SYT14: variants seen among roughly 807,000 people sequenced by gnomAD.
SYT14 encodes synaptotagmin 14.
In SYT14, 32 loss-of-function variants were observed where a neutral mutation model predicts 74.2. The observed-to-expected ratio is 0.43, with a 90% CI of 0.33 to 0.58. The LOEUF is 0.58. SYT14 is among the 20% of genes least tolerant of loss of function. The pLI, the probability that SYT14 is intolerant of heterozygous loss-of-function variation, is 0.05. For synonymous variants in SYT14, 298 were observed against 337.7 expected (o/e 0.88, Z 1.29); for missense variants, 791 against 981.8 (o/e 0.81, Z 2.60).
At chr1:210,162,201 A>G in exon 10 of SYT14, 1 of 432,040 alleles carries the variant, frequency 2.3e-6, no homozygotes, top group South Asian at 1.6e-5. Flanking sequence ...TATGAAATTA[A>G]CAGATAAAGT....
chr1:210,059,451 T>TATAGAG (rs377050610), intron 5 of SYT14, among the ~76,000 whole-genome samples: 730 of 69,846 alleles, frequency 0.01, 9 homozygotes, highest in African/African-American at 0.012. Context: ...TATATATATA[T>TATAGAG]AGAGAGAGAG....
intron 6 of SYT14, among the ~76,000 whole-genome samples, chr1:210,097,960 T>A (rs901240183): frequency 5.3e-5 from 8 of 152,110 alleles, no homozygotes; most frequent in African/African-American, 1.7e-4. Flanking sequence ...GAGGGTTCCT[T>A]GAGCCCAAGA....
chr1:210,032,515 A>T (rs892261076), intron 5 of SYT14, among the ~76,000 whole-genome samples: 12 of 151,988 alleles, frequency 7.9e-5, no homozygotes, highest in Non-Finnish European at 1.6e-4. Flanking sequence ...AATGGAAGTA[A>T]AAAGGGGGAG....
At chr1:210,152,993 A>G (rs1276141670) in intron 7 of SYT14, among the ~76,000 whole-genome samples, 5 of 152,160 alleles carry the variant, frequency 3.3e-5, no homozygotes, top group African/African-American at 7.2e-5. Flanking sequence ...TCATTGCTGT[A>G]TAGTATGCCA....
At chr1:209,986,224 A>G (rs1442639421) in intron 2 of SYT14, among the ~76,000 whole-genome samples, 7 of 152,064 alleles carry the variant, frequency 4.6e-5, no homozygotes, top group Non-Finnish European at 8.8e-5. Flanking sequence ...GTAAGTTCCT[A>G]TGTTAGTAAT....
At chr1:210,086,889 T>G (rs1410695669) in intron 5 of SYT14, among the ~76,000 whole-genome samples, 2 of 152,168 alleles carry the variant, frequency 1.3e-5, no homozygotes, top group African/African-American at 4.8e-5. Context: ...TATTTGTAAC[T>G]CCCTTTTCCA....
At chr1:210,089,058 T>C (rs1329916269) in intron 5 of SYT14, among the ~76,000 whole-genome samples, 1 of 152,094 alleles carries the variant, frequency 6.6e-6, no homozygotes, top group African/African-American at 2.4e-5. Context: ...TGCCCCAGCA[T>C]GTGATGTTCC....
rs35974726 is a variant in SYT14 at position 210,169,221 on chromosome 1, G to GTTTTTTTTT, written c.*8201_*8209dup. The stretch of plus-strand genomic sequence containing the variant: ...CTTTTTTGGTTTTTATGTTTTTGGT[G>GTTTTTTTTT]TTTTTTTTTTTTTTTTTTTTTTTTT... On this transcript the variant is annotated 3_prime_UTR_variant, in exon 10 of 10. Coordinates refer to ENST00000637265, the Ensembl canonical transcript of SYT14. 45 of 50,234 alleles carry GTTTTTTTTT rather than the reference G, an allele frequency of 9.0e-4. 2 individuals carry two copies. The highest frequency in any genetic ancestry group is 1.8e-3 in the African/African-American group (23 of 12,852). The allele number at this position is 50,234 out of a possible 1,614,324, so 3.1% of individuals were successfully genotyped here. A position where few individuals can be genotyped will look rare whatever the true frequency, so the allele number is the denominator to read the frequency against.
At chr1:210,162,750 ACCGTGAACTT>A (rs1291015028) in exon 10 of SYT14, 1 of 447,818 alleles carries the variant, frequency 2.2e-6, no homozygotes, top group Non-Finnish European at 4.4e-6. Flanking sequence ...ACCCAAAAAG[ACCGTGAACTT>A]CTGTATTTTT....
chr1:210,070,812 CATGGG>C (rs1302131120), intron 5 of SYT14, among the ~76,000 whole-genome samples: 1 of 151,782 alleles, frequency 6.6e-6, no homozygotes, highest in Admixed American at 6.6e-5. Flanking sequence ...CTTAACAGAA[CATGGG>C]ATTGTCTCCA....
At chr1:209,942,360 A>ACCCCCCCCC (rs34726566) in intron 1 of SYT14, among the ~76,000 whole-genome samples, 1 of 74,596 alleles carries the variant, frequency 1.3e-5, no homozygotes, top group African/African-American at 9.5e-5. Flanking sequence ...ATGCAAATTT[A>ACCCCCCCCC]CCCCCCCCCC....
chr1:210,007,127 A>G (rs145265679), intron 2 of SYT14, among the ~76,000 whole-genome samples: 7 of 151,974 alleles, frequency 4.6e-5, no homozygotes, highest in African/African-American at 1.7e-4. Flanking sequence ...AATTTTAAAA[A>G]ATTGGTATTT....
At chr1:209,945,008 C>T (rs1210802770) in intron 1 of SYT14, among the ~76,000 whole-genome samples, 1 of 152,070 alleles carries the variant, frequency 6.6e-6, no homozygotes, top group Non-Finnish European at 1.5e-5. Context: ...TTTTCTCAAT[C>T]ATGAATAGCA....
At chr1:210,059,441 T>TAGAG (rs1175419124) in intron 5 of SYT14, among the ~76,000 whole-genome samples, 90 of 93,066 alleles carry the variant, frequency 9.7e-4, no homozygotes, top group East Asian at 3.6e-3. Context: ...TATATATATA[T>TAGAG]ATATATATAT....
Position 210,021,199 on chromosome 1 carries a change from C to G in SYT14, c.1257C>G (p.Tyr419Ter). The G allele has an allele frequency of 6.2e-7, 1 of 1,614,004 alleles. No individual in the cohort carries two copies. Residue 419 changes from tyrosine (Y) to a stop codon, truncating the protein, a stop_gained, in exon 5 of 10, where the codon TAC (tyrosine) becomes TAG (stop). Transcript: ENST00000637265. LOFTEE classifies it high-confidence loss of function. ...ATGCTTGGGAAACAAGGCAGAAATACAGTCCTCTATCGGCAGAGTATGATG... is the reference window on the plus strand; with the variant it reads ...ATGCTTGGGAAACAAGGCAGAAATAGAGTCCTCTATCGGCAGAGTATGATG...
intron 5 of SYT14, among the ~76,000 whole-genome samples, chr1:210,048,126 G>C (rs1265356711): frequency 3.3e-5 from 5 of 152,074 alleles, no homozygotes; most frequent in African/African-American, 4.8e-5. Flanking sequence ...GATGATTCTT[G>C]ACTAAATCAA....
At chr1:210,047,757 C>T (rs1487505099) in intron 5 of SYT14, among the ~76,000 whole-genome samples, 1 of 152,160 alleles carries the variant, frequency 6.6e-6, no homozygotes, top group African/African-American at 2.4e-5. Flanking sequence ...CCTGAGACTA[C>T]TACAGATGTT....
At position 210,090,620 on chromosome 1, in the gene SYT14, G is replaced by A. The variant is rs941679240; in HGVS notation, c.1313-3702G>A. Among the ~76,000 whole-genome samples, 10 of 152,086 alleles carry A rather than the reference G, an allele frequency of 6.6e-5. No homozygotes were observed. The South Asian group carries it at 1.5e-3, about 22-fold the overall frequency. ...TAGATATATCATTTATATAAAAATCGGGGTATGAAATTAGGTAATAAAGCA... is the reference window on the plus strand; with the variant it reads ...TAGATATATCATTTATATAAAAATCAGGGTATGAAATTAGGTAATAAAGCA... On this transcript the variant is annotated intron_variant, in intron 5 of 9. Coordinates refer to ENST00000637265, the Ensembl canonical transcript of SYT14.
chr1:209,957,094 A>G (rs2079005651), intron 2 of SYT14, among the ~76,000 whole-genome samples: 1 of 152,150 alleles, frequency 6.6e-6, no homozygotes, highest in Non-Finnish European at 1.5e-5. Context: ...TTATGCTGAA[A>G]GTAACTCACA....
Sources: gnomAD v4.1 joint callset for allele counts (sites outside exome capture counted in the v4.1 genomes callset) on GRCh38, gnomAD v4.1.1 for gene constraint, MANE v1.5 for transcripts, NCBI Gene and HGNC (gene_info 2026-07-23, HGNC 2026-07-21) for gene names.